Variants in FAT1 observed in about 807,000 individuals in gnomAD.
FAT1 encodes protocadherin Fat 1.
Under a neutral mutation model 329.8 loss-of-function variants are expected in FAT1, and 171 were observed. The ratio of observed to expected loss-of-function variants is 0.52; its 90% CI spans 0.46 to 0.59. The LOEUF (loss-of-function observed/expected upper bound fraction) is 0.59, where lower values mean the gene tolerates loss of function less well. Among genes scored for constraint, FAT1 ranks in the 20% least tolerant of loss-of-function variants. The pLI, the probability that FAT1 is intolerant of heterozygous loss-of-function variation, is 0.00. For missense variants in FAT1, 5,672 were observed against 5,774.4 expected, an observed-to-expected ratio of 0.98 and a Z score of 0.57; for synonymous variants, 2,233 against 2,228.6, an observed-to-expected ratio of 1.00 and a Z score of -0.06.
chr4:186,684,843 T>C (rs1190202870), intron 2 of FAT1, among the ~76,000 whole-genome samples: 1 of 152,198 alleles, frequency 6.6e-6, no homozygotes, highest in African/African-American at 2.4e-5. Context: ...GGCGTGGTTT[T>C]CATTTGCTAC....
chr4:186,593,244 T>C (rs549776898), intron 26 of FAT1, among the ~76,000 whole-genome samples: 15 of 152,348 alleles, frequency 9.8e-5, no homozygotes, highest in Non-Finnish European at 1.6e-4. Context: ...TTGCTTTCCC[T>C]GCAAATTTCT....
At chr4:186,670,199 A>G (rs1742667524) in intron 2 of FAT1, among the ~76,000 whole-genome samples, 1 of 152,190 alleles carries the variant, frequency 6.6e-6, no homozygotes, top group Admixed American at 6.5e-5. Flanking sequence ...AGAAATACCT[A>G]TCATCAGCAA....
rs1304169368 is a variant in FAT1 at position 186,596,698 on chromosome 4, T to C, written c.12842A>G (p.His4281Arg). The C allele has an allele frequency of 6.2e-7, 1 of 1,613,620 alleles. No homozygotes were observed. The highest frequency in any genetic ancestry group is 2.2e-5 in the East Asian group (1 of 44,864). Residue 4281 changes from histidine to arginine, a missense_variant, in exon 25 of 27, where the codon CAT becomes CGT. Physicochemically the swap from His to Arg is conservative, Grantham distance 29 (BLOSUM62 0). Coordinates refer to ENST00000441802, the MANE Select transcript of FAT1 (RefSeq NM_005245.4). This position sits in a 1 kb window ranked among gnomAD's most constrained non-coding sequence, Gnocchi z 4.7. ...NSFEGSAIPE[H>R]PEFSTFNPES... ...GGGGTTAAAAGTGCTGAATTCGGGA[T>C]GCTCTGGGATAGCAGATCCTTCGAA...
chr4:186,636,551 T>C (rs781136486), intron 5 of FAT1, 34 bp downstream of exon 5: 12 of 1,531,366 alleles, frequency 7.8e-6, no homozygotes, highest in Admixed American at 6.3e-5. Context: ...AGTCACAACA[T>C]ATGAAAAATT....
chr4:186,650,473 G>A (rs1741586223), intron 3 of FAT1, among the ~76,000 whole-genome samples: 1 of 152,116 alleles, frequency 6.6e-6, no homozygotes, highest in Admixed American at 6.5e-5. Flanking sequence ...CTTTGATTCT[G>A]AGTAAAGCAA....
chr4:186,716,334 C>T (rs541552642), intron 1 of FAT1, among the ~76,000 whole-genome samples: 4 of 152,262 alleles, frequency 2.6e-5, no homozygotes, highest in South Asian at 2.1e-4. Context: ...ATAGTGAAAG[C>T]GTCAGTAGAA....
chr4:186,621,555 A>C lies in FAT1; in HGVS notation c.5031T>G (p.Ser1677Arg), dbSNP rs2126526388. 6.2e-7 allele frequency: 1 copy of C among 1,614,026 alleles called. No homozygotes were observed. The highest frequency in any genetic ancestry group is 8.5e-7 in the Non-Finnish European group (1 of 1,179,878). ...CGAAACTCCCAATGCTGACAGTTTC[A>C]CTAAGTTCAACAGAATATTCTTTTG... ...FTSKEYSVELSETVSIGSFVG... is the reference protein window; with the variant it reads ...FTSKEYSVELRETVSIGSFVG... The change falls in exon 10 of 27, where the codon AGT (serine) becomes AGG (arginine). Residue 1677 changes from serine to arginine, a missense_variant. This residue lies in a region of FAT1 where 3,966 missense variants were observed against 3,915.2 expected (regional missense o/e 1.01). Transcript: ENST00000441802.
intron 2 of FAT1, among the ~76,000 whole-genome samples, chr4:186,691,457 A>C (rs1327883439): frequency 6.6e-6 from 1 of 152,232 alleles, no homozygotes; most frequent in Non-Finnish European, 1.5e-5. Context: ...AACTTGTTAC[A>C]GAATCTTCAT....
At position 186,587,886 on chromosome 4, in the gene FAT1, A is replaced by T. The variant is rs1008913340; in HGVS notation, c.*706T>A. 4.6e-5 allele frequency: 10 copies of T among 216,044 alleles called. No individual in the cohort carries two copies. Among genetic ancestry groups the T allele is most frequent in the African/African-American group, 2.3e-4 (10 of 44,306 alleles). The allele number at this position is 216,044 out of a possible 1,614,324, so 13.4% of individuals were successfully genotyped here. A position where few individuals can be genotyped will look rare whatever the true frequency, so the allele number is the denominator to read the frequency against. ...CAAGACCATTGCATCACAAATATAC[A>T]GACACTATAAAAACTGTGTCATGGT... On this transcript the variant is annotated 3_prime_UTR_variant, in exon 27 of 27. Transcript: ENST00000441802.
At chr4:186,676,126 G>T (rs1024633942) in intron 2 of FAT1, among the ~76,000 whole-genome samples, 2 of 152,100 alleles carry the variant, frequency 1.3e-5, no homozygotes, top group East Asian at 1.9e-4. Flanking sequence ...TTAACAACTA[G>T]GTACTTTAAT....
intron 3 of FAT1, among the ~76,000 whole-genome samples, chr4:186,645,671 G>A (rs1741339184): frequency 6.6e-6 from 1 of 151,378 alleles, no homozygotes; most frequent in Non-Finnish European, 1.5e-5. Context: ...TCAGCACAGT[G>A]GATAAAAATG....
chr4:186,655,092 T>C (rs1159513322), intron 3 of FAT1, among the ~76,000 whole-genome samples: 2 of 152,164 alleles, frequency 1.3e-5, no homozygotes, highest in South Asian at 2.1e-4. Flanking sequence ...GCATTATGTA[T>C]TTAAAATCTC....
rs775433630 is a variant in FAT1 at position 186,709,697 on chromosome 4, T to C, written c.131A>G (p.Gln44Arg). ...FTHLEYNVTV[Q>R]ENSAAKTYVG... ...ATAAGTCTTAGCTGCAGAGTTCTCC[T>C]GCACGGTGACGTTGTACTCGAGGTG... Residue 44 changes from glutamine to arginine, a missense_variant, in exon 2 of 27, where the codon CAG (glutamine) becomes CGG (arginine). This residue lies in a region of FAT1 where 3,966 missense variants were observed against 3,915.2 expected (regional missense o/e 1.01). Coordinates refer to ENST00000441802, the MANE Select transcript of FAT1 (RefSeq NM_005245.4). The C allele has an allele frequency of 3.7e-6, 6 of 1,614,032 alleles. No homozygotes were observed. The South Asian group carries it at 6.6e-5, about 18-fold the overall frequency.
At chr4:186,590,070 G>T (rs563515219) in intron 26 of FAT1, among the ~76,000 whole-genome samples, 1 of 151,704 alleles carries the variant, frequency 6.6e-6, no homozygotes, top group Non-Finnish European at 1.5e-5. Context: ...ATCAATCTGT[G>T]TTACTTCCAA....
At chr4:186,690,217 C>T (rs1169942695) in intron 2 of FAT1, among the ~76,000 whole-genome samples, 1 of 152,142 alleles carries the variant, frequency 6.6e-6, no homozygotes, top group Admixed American at 6.5e-5. Flanking sequence ...GCCGTTATCT[C>T]AAGTTTACTA....
rs2126399667 is a variant in FAT1 at position 186,597,753 on chromosome 4, C to G, written c.12297G>C (p.Lys4099Asn). Residue 4099 changes from lysine (K) to asparagine (N), a missense_variant, in exon 24 of 27, where the codon AAG (lysine) becomes AAC (asparagine). Physicochemically the swap from Lys to Asn is moderately conservative, Grantham distance 94 (BLOSUM62 0). This residue lies in a region of FAT1 where 1,706 missense variants were observed against 1,859.1 expected (regional missense o/e 0.92). Coordinates refer to ENST00000441802, the MANE Select transcript of FAT1 (RefSeq NM_005245.4). ...LSPYCKDEPC[K>N]NGGTCFDSLD... The stretch of plus-strand genomic sequence containing the variant: ...AACTGTCAAAGCATGTTCCGCCATT[C>G]TTACAGGGTTCATCTTTGCAGTATG... 1.2e-6 allele frequency: 2 copies of G among 1,613,908 alleles called. No individual in the cohort carries two copies. Among genetic ancestry groups the G allele is most frequent in the Non-Finnish European group, 8.5e-7 (1 of 1,179,864 alleles).
intron 20 of FAT1, among the ~76,000 whole-genome samples, chr4:186,602,232 TCATA>T (rs766986265): frequency 2.6e-4 from 40 of 152,294 alleles, no homozygotes; most frequent in Non-Finnish European, 5.7e-4. Flanking sequence ...AGTGAAACCT[TCATA>T]CATAACTGGG....
intron 26 of FAT1, chr4:186,590,808 A>AATGC (rs1738205508): frequency 2.6e-6 from 1 of 386,822 alleles, no homozygotes; most frequent in South Asian, 1.9e-5. Flanking sequence ...ACAGCTACAT[A>AATGC]ATGCACACAC....
At chr4:186,623,670 G>A (rs766630308) in intron 9 of FAT1, among the ~76,000 whole-genome samples, 8 of 152,140 alleles carry the variant, frequency 5.3e-5, no homozygotes, top group Non-Finnish European at 8.8e-5. Context: ...CTTGCTCCCT[G>A]CCCTCCAGCC....
Sources: gnomAD v4.1 joint callset for allele counts (sites outside exome capture counted in the v4.1 genomes callset) on GRCh38, gnomAD v4.1.1 for gene constraint, gnomAD v4.1.1 regional missense constraint, Gnocchi (gnomAD v3.1) non-coding constraint, MANE v1.5 for transcripts, NCBI Gene and HGNC (gene_info 2026-07-23, HGNC 2026-07-21) for gene names.